KLHL29: variants seen among roughly 807,000 people sequenced by gnomAD.
The protein encoded by KLHL29 is kelch-like protein 29.
KLHL29 carries 21 observed loss-of-function variants against 80.4 expected under a neutral mutation model. The observed-to-expected ratio is 0.26, with a 90% confidence interval of 0.19 to 0.38. The LOEUF (loss-of-function observed/expected upper bound fraction) is 0.38. Among genes scored for constraint, KLHL29 ranks in the 10% least tolerant of loss-of-function variants. The probability of loss-of-function intolerance (pLI) is 1.00; values close to 1 mark genes in which losing one functional copy is unlikely to be tolerated. For missense variants in KLHL29, 867 were observed against 1,223.9 expected (o/e 0.71, Z 4.35); for synonymous variants, 511 against 526.8 (o/e 0.97, Z 0.41).
rs552910127 is a variant in KLHL29, at chr2:23,655,664, C to T, written c.940+12814C>T. Among the ~76,000 whole-genome samples the T allele has an allele frequency of 8.7e-4, 133 of 152,170 alleles. 1 individual carries two copies. The highest frequency in any genetic ancestry group is 2.3e-3 in the Admixed American group (35 of 15,272). ...TCCAGCCAGCCCTCAGCCATTAGCC[C>T]CTACCTCAGGATCAGTTAGCAGAGA... On this transcript the variant is annotated intron_variant, in intron 5 of 13. Coordinates refer to ENST00000486442, the MANE Select transcript of KLHL29 (RefSeq NM_052920.2).
intron 2 of KLHL29, among the ~76,000 whole-genome samples, chr2:23,550,896 T>C (rs777354734): frequency 9.9e-5 from 15 of 152,212 alleles, no homozygotes; most frequent in Non-Finnish European, 1.9e-4. Flanking sequence ...CAGGCATGCC[T>C]GAGAGGCGGC....
At chr2:23,597,546 C>T (rs972427920) in intron 3 of KLHL29, among the ~76,000 whole-genome samples, 1 of 148,932 alleles carries the variant, frequency 6.7e-6, no homozygotes, top group African/African-American at 2.5e-5. Context: ...GCCTCAGCCT[C>T]ACAAGTAGCT....
chr2:23,569,079 C>T (rs1024450915), intron 3 of KLHL29, among the ~76,000 whole-genome samples: 9 of 152,320 alleles, frequency 5.9e-5, no homozygotes, highest in African/African-American at 1.9e-4. Flanking sequence ...ATCCTGTCAC[C>T]ACTCCAGGGT....
At chr2:23,676,268 C>T (rs549125395) in intron 5 of KLHL29, among the ~76,000 whole-genome samples, 47 of 152,234 alleles carry the variant, frequency 3.1e-4, no homozygotes, top group African/African-American at 1.0e-3. Context: ...CTGCAAGCTC[C>T]GCTTCCCGGG....
In KLHL29 at chr2:23,639,164, G is replaced by C. The variant is rs1198983281; in HGVS notation, c.311G>C (p.Ser104Thr). Residue 104 changes from serine (S) to threonine (T), a missense_variant, in exon 4 of 14, where the codon AGT becomes ACT. By Grantham distance (58) the Ser-to-Thr change is moderately conservative. Coordinates refer to ENST00000486442, the MANE Select transcript of KLHL29 (RefSeq NM_052920.2). ...TKAPGISKGD[S>T]QSQGLATSIR... ...GCTCCCGGCATCTCCAAAGGGGACA[G>C]TCAGTCCCAGGGACTGGCGACCAGC... 1 of 1,540,988 alleles carries C rather than the reference G, an allele frequency of 6.5e-7. No homozygotes were observed. The highest frequency in any genetic ancestry group is 1.2e-5 in the South Asian group (1 of 81,986).
chr2:23,604,369 A>G (rs1354450777), intron 3 of KLHL29, among the ~76,000 whole-genome samples: 2 of 152,196 alleles, frequency 1.3e-5, no homozygotes, highest in Non-Finnish European at 2.9e-5. Flanking sequence ...TGCTGGGATT[A>G]CAGGCGTGAG....
intron 1 of KLHL29, among the ~76,000 whole-genome samples, chr2:23,419,762 G>A (rs374516058): frequency 1.3e-5 from 2 of 152,242 alleles, no homozygotes; most frequent in East Asian, 1.9e-4. Flanking sequence ...CGTGGGCTGC[G>A]CTTTGGGGTG....
chr2:23,413,629 C>T (rs1455946475), intron 1 of KLHL29, among the ~76,000 whole-genome samples: 4 of 152,174 alleles, frequency 2.6e-5, no homozygotes, highest in Admixed American at 6.5e-5. Context: ...CAACCTGCTC[C>T]CCACCTTGAA....
chr2:23,464,187 A>G (rs1303582465), intron 1 of KLHL29, among the ~76,000 whole-genome samples: 1 of 152,200 alleles, frequency 6.6e-6, no homozygotes, highest in Non-Finnish European at 1.5e-5. Context: ...GAAAGTGGCA[A>G]ATTGAATTCC....
rs1422689098 is a variant in KLHL29, at chr2:23,596,076, C to G, written c.285+33595C>G. ...CTGCCAGCATAGCCTCTGGAATGCA[C>G]GGCCTGCTTGGGGTTGCCATGGAGA... On this transcript the variant is annotated intron_variant, in intron 3 of 13. Transcript: ENST00000486442. This position sits in a 1 kb window ranked among gnomAD's most constrained non-coding sequence, Gnocchi z 4.4. 6.6e-6 allele frequency among the ~76,000 whole-genome samples: 1 copy of G among 152,180 alleles called. No homozygotes were observed. The highest frequency in any genetic ancestry group is 2.4e-5 in the African/African-American group (1 of 41,432).
rs867901518 is a variant in KLHL29, at chr2:23,429,783, T to A, written c.-154+44003T>A. Among the ~76,000 whole-genome samples the A allele has an allele frequency of 4.6e-5, 7 of 151,528 alleles. No homozygotes were observed. The East Asian group carries it at 5.8e-4, about 13-fold the overall frequency. ...AAAAAAAGAAAAAAGAAAAAAAAAA[T>A]TTGGGAAACAGATAGGAGGGGAAGG... is the stretch of plus-strand genomic sequence containing the variant. On this transcript the variant is annotated intron_variant, in intron 1 of 13. Coordinates refer to ENST00000486442, the MANE Select transcript of KLHL29 (RefSeq NM_052920.2).
chr2:23,396,370 T>C (rs554726852), intron 1 of KLHL29, among the ~76,000 whole-genome samples: 104 of 152,372 alleles, frequency 6.8e-4, no homozygotes, highest in African/African-American at 2.4e-3. Context: ...CTGCCCTGTT[T>C]TGACCTCTTG....
chr2:23,508,793 C>T (rs1194929657), intron 2 of KLHL29, among the ~76,000 whole-genome samples: 1 of 152,228 alleles, frequency 6.6e-6, no homozygotes, highest in African/African-American at 2.4e-5. Context: ...AAACCAGCTC[C>T]CAACATCTAT....
chr2:23,524,163 CG>C (rs1354429713), intron 2 of KLHL29: 1 of 407,772 alleles, frequency 2.5e-6, no homozygotes, highest in Non-Finnish European at 5.1e-6. Context: ...GATGCTGGAG[CG>C]GGGGATGACT....
chr2:23,624,139 G>A (rs146289374), intron 3 of KLHL29, among the ~76,000 whole-genome samples: 1 of 152,258 alleles, frequency 6.6e-6, no homozygotes, highest in African/African-American at 2.4e-5. Flanking sequence ...TATTCCACAT[G>A]AGCTGTGCAT....
chr2:23,561,016 G>A (rs542166215), intron 2 of KLHL29, among the ~76,000 whole-genome samples: 87 of 152,302 alleles, frequency 5.7e-4, no homozygotes, highest in African/African-American at 1.6e-3. Context: ...CCGGACCTCC[G>A]GGGACTCACC....
rs915005383 is a variant in KLHL29 at position 23,695,567 on chromosome 2, CG to C, written c.1543-53del. On this transcript the variant is annotated intron_variant, in intron 8 of 13. Coordinates refer to ENST00000486442, the MANE Select transcript of KLHL29 (RefSeq NM_052920.2). The surrounding 1 kb of genome is among the most constrained non-coding windows in gnomAD (Gnocchi z 7.6). ...CAGCCCCACACCATTTCTTTCCGTC[CG>C]GGAGGTGGCTCTCTCTTGCTAGTCT... The C allele has an allele frequency of 5.5e-5, 68 of 1,244,716 alleles. No homozygotes were observed. In the African/African-American group the frequency reaches 1.0e-3, roughly 19 times the overall value. 77.1% of individuals were successfully genotyped at this position (1,244,716 alleles called of 1,614,324 possible).
chr2:23,388,994 T>C (rs1385061879), intron 1 of KLHL29, among the ~76,000 whole-genome samples: 12 of 102,344 alleles, frequency 1.2e-4, no homozygotes, highest in African/African-American at 1.8e-4. Context: ...TTCTTCTTTT[T>C]TTTTTTTTTT....
chr2:23,591,075 G>A (rs1247118830), intron 3 of KLHL29, among the ~76,000 whole-genome samples: 2 of 152,200 alleles, frequency 1.3e-5, no homozygotes, highest in African/African-American at 4.8e-5. Flanking sequence ...AGAGCGCCAG[G>A]CCGGAAGGTG....
Sources: gnomAD v4.1 joint callset for allele counts (sites outside exome capture counted in the v4.1 genomes callset) on GRCh38, gnomAD v4.1.1 for gene constraint, Gnocchi (gnomAD v3.1) non-coding constraint, MANE v1.5 for transcripts, NCBI Gene and HGNC (gene_info 2026-07-23, HGNC 2026-07-21) for gene names.